The following GALNT13 variants were observed in gnomAD, a reference collection of about 807,000 sequenced individuals.
GALNT13 encodes the protein UDP-GalNAc:polypeptide N-acetylgalactosaminyltransferase 13.
In GALNT13, 28 loss-of-function variants were observed where a neutral mutation model predicts 64.2. The observed-to-expected ratio is 0.44, with a 90% CI of 0.32 to 0.60. The LOEUF (loss-of-function observed/expected upper bound fraction) is 0.60. GALNT13 is among the 20% of genes least tolerant of loss of function. The pLI is 0.05. For synonymous variants in GALNT13, 214 were observed against 224.6 expected, an observed-to-expected ratio of 0.95 and a Z score of 0.42; for missense variants, 577 against 669.8, an observed-to-expected ratio of 0.86 and a Z score of 1.53.
intron 8 of GALNT13, 87 bp from the exon 9 acceptor site, chr2:154,301,322 T>C: frequency 8.7e-7 from 1 of 1,146,630 alleles, no homozygotes; most frequent in Non-Finnish European, 1.3e-6. Context: ...TTGAAACATG[T>C]AAAATACGAA....
the GALNT13 span, among the ~76,000 whole-genome samples, chr2:153,260,187 T>A: frequency 6.6e-6 from 1 of 152,230 alleles, no homozygotes; most frequent in East Asian, 1.9e-4. Flanking sequence ...GTTACTGTAG[T>A]ATTTTAGATA....
chr2:153,841,135 T>G, the GALNT13 span, among the ~76,000 whole-genome samples: 1 of 152,280 alleles, frequency 6.6e-6, no homozygotes, highest in East Asian at 1.9e-4. Flanking sequence ...AATATTTACT[T>G]TCCATTACTC....
chr2:154,308,525 C>A (rs1232860036), intron 9 of GALNT13, among the ~76,000 whole-genome samples: 1 of 152,112 alleles, frequency 6.6e-6, no homozygotes, highest in African/African-American at 2.4e-5. Flanking sequence ...ATTTTGCAAC[C>A]ACATTTTGTT....
intron 2 of GALNT13, among the ~76,000 whole-genome samples, chr2:153,935,611 A>G (rs773049578): frequency 1.2e-3 from 189 of 152,330 alleles, no homozygotes; most frequent in Admixed American, 2.4e-3. Context: ...GGGAGCAGCC[A>G]TTTATGGCAT....
chr2:153,436,233 T>C, the GALNT13 span, among the ~76,000 whole-genome samples: 30 of 152,382 alleles, frequency 2.0e-4, no homozygotes, highest in African/African-American at 7.0e-4. Flanking sequence ...GTTTTGCCAG[T>C]ATTTTATTGA....
chr2:154,280,703 T>G (rs1299944979), intron 8 of GALNT13, among the ~76,000 whole-genome samples: 2 of 152,146 alleles, frequency 1.3e-5, no homozygotes, highest in African/African-American at 4.8e-5. Flanking sequence ...ACCCAGGTGG[T>G]CTACTGATAT....
At chr2:154,139,123 A>G (rs935280121) in intron 3 of GALNT13, among the ~76,000 whole-genome samples, 2 of 151,868 alleles carry the variant, frequency 1.3e-5, no homozygotes, top group Non-Finnish European at 2.9e-5. Flanking sequence ...ATTCTCTTAT[A>G]TGGTTTGACT....
the GALNT13 span, among the ~76,000 whole-genome samples, chr2:153,491,851 C>T: frequency 6.6e-6 from 1 of 152,010 alleles, no homozygotes; most frequent in Non-Finnish European, 1.5e-5. Flanking sequence ...ACTCCTGCCT[C>T]AAGTGATCTG....
At chr2:153,456,353 G>A in the GALNT13 span, among the ~76,000 whole-genome samples, 1 of 152,080 alleles carries the variant, frequency 6.6e-6, no homozygotes, top group East Asian at 1.9e-4. Flanking sequence ...CTTCCAAAAT[G>A]GGCCCTTTCT....
At chr2:153,399,486 T>A in the GALNT13 span, among the ~76,000 whole-genome samples, 2 of 152,262 alleles carry the variant, frequency 1.3e-5, no homozygotes, top group South Asian at 4.1e-4. Context: ...TTGATGGGGA[T>A]GGCATTGAAT....
chr2:153,654,376 T>C, the GALNT13 span, among the ~76,000 whole-genome samples: 2 of 152,156 alleles, frequency 1.3e-5, no homozygotes, highest in African/African-American at 2.4e-5. Context: ...GTATTGATGA[T>C]ATTATGAAAA....
At chr2:154,261,057 G>T (rs975590961) in intron 8 of GALNT13, among the ~76,000 whole-genome samples, 1 of 152,114 alleles carries the variant, frequency 6.6e-6, no homozygotes, top group Non-Finnish European at 1.5e-5. Context: ...AATTCAGAAA[G>T]AATTTAGTGG....
chr2:154,035,424 C>T (rs548739355), intron 3 of GALNT13, among the ~76,000 whole-genome samples: 17 of 152,110 alleles, frequency 1.1e-4, no homozygotes, highest in Non-Finnish European at 1.5e-5. Context: ...TATATTTCCT[C>T]CACACTCGTT....
chr2:153,623,691 A>C, the GALNT13 span, among the ~76,000 whole-genome samples: 1 of 151,980 alleles, frequency 6.6e-6, no homozygotes, highest in African/African-American at 2.4e-5. Flanking sequence ...GCTTCAGTTT[A>C]TTTAAAATTT....
intron 4 of GALNT13, among the ~76,000 whole-genome samples, chr2:154,225,160 T>TGATAGATAGATAGATA (rs56211679): frequency 0.015 from 2,009 of 137,856 alleles, 17 homozygotes; most frequent in East Asian, 0.016. Flanking sequence ...GATAGATAGA[T>TGATAGATAGATAGATA]GATAGATAGA....
chr2:153,741,714 T>A, the GALNT13 span, among the ~76,000 whole-genome samples: 1 of 152,124 alleles, frequency 6.6e-6, no homozygotes, highest in Non-Finnish European at 1.5e-5. Flanking sequence ...ATTGTAAATC[T>A]GTGCATATAT....
intron 9 of GALNT13, among the ~76,000 whole-genome samples, chr2:154,371,176 C>A (rs1028445612): frequency 3.5e-5 from 5 of 141,270 alleles, no homozygotes; most frequent in African/African-American, 1.3e-4. Context: ...AGATTGAAGG[C>A]AGAATAGGAA....
the GALNT13 span, among the ~76,000 whole-genome samples, chr2:153,766,609 A>C: frequency 6.6e-6 from 1 of 152,096 alleles, no homozygotes; most frequent in South Asian, 2.1e-4. Flanking sequence ...CTAACTTACT[A>C]ATTCTTTTCT....
chr2:153,600,186 G>A, the GALNT13 span, among the ~76,000 whole-genome samples: 1 of 152,020 alleles, frequency 6.6e-6, no homozygotes, highest in East Asian at 1.9e-4. Flanking sequence ...TGTACATGCA[G>A]CCTCTGTTTG....
Sources: allele counts gnomAD v4.1 joint callset (sites outside exome capture counted in the v4.1 genomes callset), GRCh38; gene constraint gnomAD v4.1.1; transcripts MANE v1.5; gene names NCBI Gene and HGNC (gene_info 2026-07-23, HGNC 2026-07-21).